Variants in ZNF236 observed in about 807,000 individuals in gnomAD.
ZNF236 encodes regulated by glucose.
In ZNF236, 50 loss-of-function variants were observed where a neutral mutation model predicts 191.2. That is an observed-to-expected ratio of 0.26 (90% CI 0.21 to 0.33). The LOEUF (loss-of-function observed/expected upper bound fraction) is 0.33, where lower values mean the gene tolerates loss of function less well. Among genes scored for constraint, ZNF236 ranks in the 10% least tolerant of loss-of-function variants. The pLI is 1.00. For synonymous variants in ZNF236, 907 were observed against 928.8 expected (o/e 0.98, Z 0.43); for missense variants, 1,754 against 2,374.5 (o/e 0.74, Z 5.43).
intron 15 of ZNF236, 114 bp downstream of exon 15, chr18:76,910,283 A>C: frequency 1.1e-6 from 1 of 897,992 alleles, no homozygotes; most frequent in African/African-American, 1.7e-5. Flanking sequence ...TATGGTTTCA[A>C]ACCAAATAAC....
rs1480087367 is a variant in ZNF236, at chr18:76,960,376, G to C, written c.5243-303G>C. On this transcript the variant is annotated intron_variant, in intron 29 of 30. Coordinates refer to ENST00000320610, the MANE Select transcript of ZNF236 (RefSeq NM_001306089.2). The surrounding 1 kb of genome is among the most constrained non-coding windows in gnomAD (Gnocchi z 4.4). ...CTGCCCTAACAGGACATCATCCCGGGCTCATTTCTGTTGTGATCATCTGAC... is the reference window on the plus strand; with the variant it reads ...CTGCCCTAACAGGACATCATCCCGGCCTCATTTCTGTTGTGATCATCTGAC... Among the ~76,000 whole-genome samples, 1 of 152,150 alleles carries C rather than the reference G, an allele frequency of 6.6e-6. No individual in the cohort carries two copies. The highest frequency in any genetic ancestry group is 1.5e-5 in the Non-Finnish European group (1 of 68,030).
intron 21 of ZNF236, among the ~76,000 whole-genome samples, chr18:76,924,419 A>G (rs1180704051): frequency 2.6e-5 from 4 of 152,234 alleles, no homozygotes; most frequent in South Asian, 2.1e-4. Flanking sequence ...ATTCTGAAGT[A>G]GAGGTGTGAT....
chr18:76,926,750 G>T, intron 22 of ZNF236, among the ~76,000 whole-genome samples: 1 of 152,070 alleles, frequency 6.6e-6, no homozygotes, highest in South Asian at 2.1e-4. Context: ...TGGTATAAAG[G>T]GTGATTAGAC....
rs557764101 is a variant in ZNF236, at chr18:76,943,561, T to G, written c.4783-3960T>G. ...TGTCATAAAAAAACAAACTTATTAT[T>G]ACAGATAATTGGTCAGGTGCAAAAC... On this transcript the variant is annotated intron_variant, in intron 26 of 30. Transcript: ENST00000320610. Among the ~76,000 whole-genome samples, 5 of 152,332 alleles carry G rather than the reference T, an allele frequency of 3.3e-5. No individual in the cohort carries two copies. In the East Asian group the frequency reaches 9.6e-4, roughly 29 times the overall value.
Position 76,942,707 on chromosome 18 carries a change from G to A in ZNF236, c.4783-4814G>A, listed in dbSNP as rs1261791463. ...TTTTGTTATTTTTTAGTAGAGACGG[G>A]GTTTCACCATGTCAGCCAGGATGGT... On this transcript the variant is annotated intron_variant, in intron 26 of 30. Transcript: ENST00000320610. Among the ~76,000 whole-genome samples, 5 of 150,324 alleles carry A rather than the reference G, an allele frequency of 3.3e-5. No homozygotes were observed. In the East Asian group the frequency reaches 1.0e-3, roughly 30 times the overall value.
chr18:76,967,939 A>G (rs1175316279), intron 30 of ZNF236, among the ~76,000 whole-genome samples: 2 of 152,110 alleles, frequency 1.3e-5, no homozygotes, highest in Non-Finnish European at 2.9e-5. Context: ...TGTGTTGGTT[A>G]TTGCTCATTC....
At chr18:76,831,071 T>C (rs1475721107) in intron 1 of ZNF236, among the ~76,000 whole-genome samples, 1 of 152,220 alleles carries the variant, frequency 6.6e-6, no homozygotes, top group Non-Finnish European at 1.5e-5. Flanking sequence ...TAGCCAATGT[T>C]GATACATTGT....
chr18:76,906,310 G>A (rs937759810), intron 13 of ZNF236, among the ~76,000 whole-genome samples: 29 of 152,318 alleles, frequency 1.9e-4, no homozygotes, highest in African/African-American at 6.3e-4. Context: ...CCCAGGGAGT[G>A]TGGTATTGGC....
Position 76,875,737 on chromosome 18 carries a change from C to T in ZNF236, c.840+73C>T, listed in dbSNP as rs1280785253. ...GTATCTTTTGGGTTAATAAACGGAC[C>T]TGAGAAATTCTTTTCCATTTAAAAA... On this transcript the variant is annotated intron_variant, in intron 6 of 30. Transcript: ENST00000320610. This position sits in a 1 kb window ranked among gnomAD's most constrained non-coding sequence, Gnocchi z 4.3. 3 of 1,293,278 alleles carry T rather than the reference C, an allele frequency of 2.3e-6. No individual in the cohort carries two copies. The African/African-American group carries it at 4.5e-5, about 20-fold the overall frequency. The allele number at this position is 1,293,278 out of a possible 1,614,324, so 80.1% of individuals were successfully genotyped here. A position where few individuals can be genotyped will look rare whatever the true frequency, so the allele number is the denominator to read the frequency against.
At chr18:76,929,413 T>C (rs1361455666) in intron 25 of ZNF236, among the ~76,000 whole-genome samples, 1 of 152,216 alleles carries the variant, frequency 6.6e-6, no homozygotes, top group Non-Finnish European at 1.5e-5. Flanking sequence ...AGCTATTTGG[T>C]TGATCCAATT....
intron 25 of ZNF236, 71 bp from the exon 26 acceptor site, chr18:76,937,085 C>T (rs1245797557): frequency 1.1e-5 from 15 of 1,417,748 alleles, no homozygotes; most frequent in South Asian, 4.1e-5. Flanking sequence ...GGGAGCATCG[C>T]TCTCCCTATG....
At chr18:76,952,409 G>T (rs900900491) in intron 27 of ZNF236, among the ~76,000 whole-genome samples, 1 of 152,216 alleles carries the variant, frequency 6.6e-6, no homozygotes, top group Non-Finnish European at 1.5e-5. Flanking sequence ...GCACATTGAC[G>T]CTTCCAGGCT....
intron 3 of ZNF236, among the ~76,000 whole-genome samples, chr18:76,863,933 G>A (rs1370614626): frequency 6.6e-6 from 1 of 152,198 alleles, no homozygotes; most frequent in Non-Finnish European, 1.5e-5. Flanking sequence ...CTGTGTGAAC[G>A]TGGAGAGTGT....
rs1238149159 is a variant in ZNF236 at position 76,968,220 on chromosome 18, C to G, written c.5425C>G (p.Leu1809Val). ...TTTCTTTGTCTGCATAACAGGAGCT[C>G]TGCAGGAGTCTGCAGGTCACCCGGA... ...MKRAHSYAGALQESAGHPEQD... is the reference protein window; with the variant it reads ...MKRAHSYAGAVQESAGHPEQD... Residue 1809 changes from leucine (L) to valine (V), a missense_variant, in exon 31 of 31, where the codon CTG becomes GTG. This residue lies in a region of ZNF236 where 606 missense variants were observed against 761.5 expected (regional missense o/e 0.80). Transcript: ENST00000320610. The G allele has an allele frequency of 6.8e-6, 11 of 1,613,778 alleles. No individual in the cohort carries two copies. The highest frequency in any genetic ancestry group is 2.7e-5 in the African/African-American group (2 of 74,916).
chr18:76,872,404 G>T (rs1254834587), intron 5 of ZNF236, among the ~76,000 whole-genome samples: 2 of 152,230 alleles, frequency 1.3e-5, no homozygotes, highest in Non-Finnish European at 2.9e-5. Flanking sequence ...GTTTGAGGCT[G>T]CAGTGAGCTA....
Position 76,927,721 on chromosome 18 carries a change from A to T in ZNF236, c.4414+204A>T, listed in dbSNP as rs1052234660. On this transcript the variant is annotated intron_variant, in intron 24 of 30. Transcript: ENST00000320610. The surrounding 1 kb of genome is among the most constrained non-coding windows in gnomAD (Gnocchi z 5.4). ...ATGCTCTTAGATTATTACTACCTTC[A>T]TTTAATTACTCTTTTCATCCTGGCT... Among the ~76,000 whole-genome samples the T allele has an allele frequency of 2.6e-5, 4 of 152,202 alleles. No individual in the cohort carries two copies. Among genetic ancestry groups the T allele is most frequent in the African/African-American group, 9.6e-5 (4 of 41,456 alleles).
chr18:76,822,815 G>A (rs1441616183), intron 1 of ZNF236, among the ~76,000 whole-genome samples, 153 bp downstream of exon 1: 2 of 146,036 alleles, frequency 1.4e-5, no homozygotes, highest in Non-Finnish European at 3.0e-5. Context: ...CCGACTGGCC[G>A]GGCGGGCCGC....
chr18:76,836,433 C>G (rs1043340080), intron 1 of ZNF236, among the ~76,000 whole-genome samples: 1 of 151,866 alleles, frequency 6.6e-6, no homozygotes, highest in African/African-American at 2.4e-5. Flanking sequence ...CTATGTTGCC[C>G]TTAAACGCCT....
chr18:76,957,151 G>T (rs546864744), intron 28 of ZNF236, among the ~76,000 whole-genome samples: 3 of 152,266 alleles, frequency 2.0e-5, no homozygotes, highest in East Asian at 3.9e-4. Flanking sequence ...TGTATGTTGG[G>T]GGGGTGGGGA....
Sources: allele counts gnomAD v4.1 joint callset (sites outside exome capture counted in the v4.1 genomes callset), GRCh38; gene constraint gnomAD v4.1.1; regional missense constraint gnomAD v4.1.1; non-coding constraint Gnocchi (gnomAD v3.1); transcripts MANE v1.5; gene names NCBI Gene and HGNC (gene_info 2026-07-23, HGNC 2026-07-21).